NECTIN2: variants seen among roughly 807,000 people sequenced by gnomAD.
NECTIN2 encodes the protein nectin cell adhesion molecule 2.
A neutral mutation model predicts 56.9 loss-of-function variants in NECTIN2; 23 were observed. The ratio of observed to expected loss-of-function variants is 0.40; its 90% CI spans 0.29 to 0.57. The LOEUF is 0.57. Among genes scored for constraint, NECTIN2 ranks in the 20% least tolerant of loss-of-function variants. The pLI is 0.38. For missense variants in NECTIN2, 587 were observed against 718.3 expected (o/e 0.82, Z 2.09); for synonymous variants, 302 against 313.8 (o/e 0.96, Z 0.40).
At chr19:44,847,557 G>A (rs771388032) in intron 1 of NECTIN2, among the ~76,000 whole-genome samples, 43 of 152,166 alleles carry the variant, frequency 2.8e-4, no homozygotes, top group Non-Finnish European at 5.3e-4. Context: ...AAGGGTCGAA[G>A]GCTCTGTCTT....
intron 5 of NECTIN2, among the ~76,000 whole-genome samples, chr19:44,881,278 C>A (rs1374032114): frequency 6.6e-6 from 1 of 152,064 alleles, no homozygotes; most frequent in Non-Finnish European, 1.5e-5. Context: ...AGAATTCTGT[C>A]CCCGCATTCT....
intron 1 of NECTIN2, among the ~76,000 whole-genome samples, chr19:44,854,561 C>T (rs1248420389): frequency 6.6e-6 from 1 of 152,106 alleles, no homozygotes; most frequent in Non-Finnish European, 1.5e-5. Context: ...GCCTATAATC[C>T]CAACACTTTG....
At position 44,878,344 on chromosome 19, in the gene NECTIN2, G is replaced by A. The variant is rs144460265; in HGVS notation, c.1042+3866G>A. On this transcript the variant is annotated intron_variant, in intron 5 of 8. Transcript: ENST00000252483. ...TGGCCTTCATCCTGCTGAGGGTGAG[G>A]AGGAGGAGGAAGAGCCCTGGAGGAG... 3.4e-5 allele frequency: 53 copies of A among 1,547,978 alleles called. No homozygotes were observed. In the African/African-American group the frequency reaches 6.6e-4, roughly 19 times the overall value.
intron 5 of NECTIN2, chr19:44,878,244 G>T (rs747714386): frequency 8.7e-6 from 7 of 802,370 alleles, no homozygotes; most frequent in Non-Finnish European, 1.4e-5. Context: ...GCCTCGCCCC[G>T]AGATGTGGGC....
intron 6 of NECTIN2, among the ~76,000 whole-genome samples, chr19:44,883,143 A>G (rs1969326734): frequency 6.6e-6 from 1 of 152,188 alleles, no homozygotes; most frequent in Non-Finnish European, 1.5e-5. Context: ...CATTAAAATA[A>G]CGTAAGCTAT....
At chr19:44,876,577 GAC>G (rs1267617698) in intron 5 of NECTIN2, among the ~76,000 whole-genome samples, 2 of 152,088 alleles carry the variant, frequency 1.3e-5, no homozygotes, top group Non-Finnish European at 2.9e-5. Context: ...AGCCAGAGGA[GAC>G]ACACTCAAAG....
chr19:44,848,072 C>A (rs1430615111), intron 1 of NECTIN2, among the ~76,000 whole-genome samples: 1 of 152,192 alleles, frequency 6.6e-6, no homozygotes, highest in Non-Finnish European at 1.5e-5. Context: ...TCAGGGGGAT[C>A]TTGGGGGAAC....
At position 44,888,133 on chromosome 19, in the gene NECTIN2, G is replaced by T. The variant is rs576257225; in HGVS notation, c.1371G>T (p.Leu457=). Residue 457 remains leucine, a synonymous_variant, in exon 9 of 9, where the codon CTG becomes CTT. Transcript: ENST00000252483. The stretch of plus-strand genomic sequence containing the variant: ...AGGAAATGCCTCGATACCATGAGCT[G>T]CCCACCTTGGAAGAACGGTCAGGAC... ...TEQEMPRYHE[L]PTLEERSGPL... 3 of 1,613,148 alleles carry T rather than the reference G, an allele frequency of 1.9e-6. No homozygotes were observed. The South Asian group carries it at 3.3e-5, about 18-fold the overall frequency.
At chr19:44,852,041 C>G (rs1161638239) in intron 1 of NECTIN2, among the ~76,000 whole-genome samples, 1 of 152,170 alleles carries the variant, frequency 6.6e-6, no homozygotes, top group Non-Finnish European at 1.5e-5. Context: ...CATCCTCCGT[C>G]CCCACAGCCC....
Position 44,871,899 on chromosome 19 carries a change from G to A in NECTIN2, c.525G>A (p.Gln175=). 1 of 1,614,168 alleles carries A rather than the reference G, an allele frequency of 6.2e-7. No homozygotes were observed. The highest frequency in any genetic ancestry group is 2.2e-5 in the East Asian group (1 of 44,874). Reference sequence around the variant, plus strand: ...AGGCCCAGAAGGTCACGTTCAGCCAGGACCCTACGACAGTGGCCCTCTGCA... The same window carrying A: ...AGGCCCAGAAGGTCACGTTCAGCCAAGACCCTACGACAGTGGCCCTCTGCA... The part of the protein sequence containing the change: ...QAEAQKVTFS[Q]DPTTVALCIS... Residue 175 remains glutamine, a synonymous_variant, in exon 3 of 9, where the codon CAG becomes CAA. Transcript: ENST00000252483.
chr19:44,860,445 G>A (rs868532853), intron 1 of NECTIN2, among the ~76,000 whole-genome samples: 5 of 151,990 alleles, frequency 3.3e-5, no homozygotes, highest in Admixed American at 6.6e-5. Flanking sequence ...CCCCAGAGAC[G>A]GTTTGCAGTG....
At chr19:44,859,289 T>C (rs1022578611) in intron 1 of NECTIN2, among the ~76,000 whole-genome samples, 2 of 152,212 alleles carry the variant, frequency 1.3e-5, no homozygotes, top group African/African-American at 4.8e-5. Context: ...TCTCATTTCC[T>C]GGGGCCCTAT....
chr19:44,877,799 C>T (rs1215632856), intron 5 of NECTIN2, among the ~76,000 whole-genome samples: 1 of 152,204 alleles, frequency 6.6e-6, no homozygotes, highest in East Asian at 1.9e-4. Flanking sequence ...CTATTGCATC[C>T]AAATAGCCAG....
At chr19:44,858,375 T>C (rs411920) in intron 1 of NECTIN2, among the ~76,000 whole-genome samples, 50,977 of 151,954 alleles carry the variant, frequency 0.34, 9,354 homozygotes, top group Non-Finnish European at 0.39. Context: ...AGGCAGGGCC[T>C]CATTCTATCG....
In NECTIN2 at chr19:44,873,965, C is replaced by T; in HGVS notation, c.825C>T (p.Gly275=). 1 of 1,614,112 alleles carries T rather than the reference C, an allele frequency of 6.2e-7. No homozygotes were observed. Among genetic ancestry groups the T allele is most frequent in the Non-Finnish European group, 8.5e-7 (1 of 1,180,008 alleles). Residue 275 remains glycine, a synonymous_variant, in exon 4 of 9, where the codon GGC becomes GGT. Transcript: ENST00000252483. ...GCTATGATGACAACTGGTACCTCGG[C>T]CGTACTGATGCCACCCTGAGCTGTG... ...ISGYDDNWYL[G]RTDATLSCDV... is the part of the protein sequence containing the mutation.
At position 44,860,478 on chromosome 19, in the gene NECTIN2, G is replaced by A. The variant is rs1048667834; in HGVS notation, c.89-4793G>A. Among the ~76,000 whole-genome samples, 4 of 152,038 alleles carry A rather than the reference G, an allele frequency of 2.6e-5. No homozygotes were observed. In the South Asian group the frequency reaches 6.2e-4, roughly 24 times the overall value. On this transcript the variant is annotated intron_variant, in intron 1 of 8. Transcript: ENST00000252483. ...GTGAGCAGAAATCGCGCCATTGCAC[G>A]CCAGCATGGACAGAGTGAGATCCTG... is the stretch of plus-strand genomic sequence containing the variant.
rs185347618 is a variant in NECTIN2 at position 44,855,374 on chromosome 19, G to A, written c.88+8761G>A. Among the ~76,000 whole-genome samples the A allele has an allele frequency of 4.3e-3, 658 of 152,024 alleles. 2 individuals carry two copies. Among genetic ancestry groups the A allele is most frequent in the Non-Finnish European group, 7.0e-3 (474 of 67,990 alleles). The stretch of plus-strand genomic sequence containing the variant: ...TGGGAGGCGGAGGTTGCAGTGAGCC[G>A]AGATAGTGGCACTGCACTCCAGCCT... On this transcript the variant is annotated intron_variant, in intron 1 of 8. Transcript: ENST00000252483.
In NECTIN2 at chr19:44,849,068, G is replaced by A. The variant is rs192221787; in HGVS notation, c.88+2455G>A. The stretch of plus-strand genomic sequence containing the variant: ...TGGGCAGAGGAGAAGTTGGGGGGTG[G>A]GTATATAGAGAGGCTGGAGCTACAA... On this transcript the variant is annotated intron_variant, in intron 1 of 8. Coordinates refer to ENST00000252483, the MANE Select transcript of NECTIN2 (RefSeq NM_001042724.2). 2.1e-4 allele frequency among the ~76,000 whole-genome samples: 32 copies of A among 152,228 alleles called. No homozygotes were observed. In the East Asian group the frequency reaches 6.0e-3, roughly 29 times the overall value.
At chr19:44,867,992 G>A (rs1322187768) in intron 2 of NECTIN2, among the ~76,000 whole-genome samples, 2 of 152,056 alleles carry the variant, frequency 1.3e-5, no homozygotes, top group Non-Finnish European at 2.9e-5. Flanking sequence ...AGAGGGAAGC[G>A]GGCGGCATAT....
Sources: allele counts gnomAD v4.1 joint callset (sites outside exome capture counted in the v4.1 genomes callset), GRCh38; gene constraint gnomAD v4.1.1; transcripts MANE v1.5; gene names NCBI Gene and HGNC (gene_info 2026-07-23, HGNC 2026-07-21).